Variants in PLEKHM3 observed in about 807,000 individuals in gnomAD.
PLEKHM3 encodes the protein pleckstrin homology domain containing M3.
In PLEKHM3, 45 loss-of-function variants were observed where a neutral mutation model predicts 81.8. That is an observed-to-expected ratio of 0.55 (90% CI 0.43 to 0.71). The LOEUF (loss-of-function observed/expected upper bound fraction) is 0.71, where lower values mean the gene tolerates loss of function less well. Among genes scored for constraint, PLEKHM3 ranks in the 30% least tolerant of loss-of-function variants. The pLI is 0.00. For missense variants in PLEKHM3, 788 were observed against 924.3 expected (o/e 0.85, Z 1.91); for synonymous variants, 352 against 356.4 (o/e 0.99, Z 0.14).
intron 5 of PLEKHM3, among the ~76,000 whole-genome samples, chr2:207,929,253 A>C (rs1305985535): frequency 6.6e-6 from 1 of 152,248 alleles, no homozygotes; most frequent in East Asian, 1.9e-4. Context: ...TGGTCTGGCC[A>C]TAAGGCACAG....
chr2:207,860,200 TG>T (rs2092460078), intron 7 of PLEKHM3, among the ~76,000 whole-genome samples: 1 of 149,890 alleles, frequency 6.7e-6, no homozygotes, highest in Non-Finnish European at 1.5e-5. Context: ...TGTGTGTGTG[TG>T]TGTGTATCTG....
At chr2:207,934,658 T>C (rs1373887678) in intron 4 of PLEKHM3, among the ~76,000 whole-genome samples, 1 of 152,156 alleles carries the variant, frequency 6.6e-6, no homozygotes, top group East Asian at 1.9e-4. Context: ...CCTCCTCCCC[T>C]ACCTCACATT....
rs553828410 is a variant in PLEKHM3, at chr2:207,897,189, T to C, written c.1950+11325A>G. ...AAGGTGCTGCTCCATATGGTGACTA[T>C]ATAGCTGCAGCTATAGCAGGTTTCT... On this transcript the variant is annotated intron_variant, in intron 6 of 7. Coordinates refer to ENST00000427836, the MANE Select transcript of PLEKHM3 (RefSeq NM_001080475.3). Among the ~76,000 whole-genome samples the C allele has an allele frequency of 9.9e-5, 15 of 152,282 alleles. No homozygotes were observed. In the South Asian group the frequency reaches 2.1e-3, roughly 21 times the overall value.
intron 3 of PLEKHM3, among the ~76,000 whole-genome samples, chr2:207,973,614 C>T (rs1691199691): frequency 6.6e-6 from 1 of 152,146 alleles, no homozygotes; most frequent in Admixed American, 6.5e-5. Context: ...TGGCGCATGC[C>T]TGTAATCCCA....
chr2:207,872,667 G>A lies in PLEKHM3; in HGVS notation c.1951-11405C>T, dbSNP rs376025955. Among the ~76,000 whole-genome samples the A allele has an allele frequency of 5.9e-5, 9 of 152,194 alleles. No individual in the cohort carries two copies. The South Asian group carries it at 1.9e-3, about 32-fold the overall frequency. On this transcript the variant is annotated intron_variant, in intron 6 of 7. Transcript: ENST00000427836. ...AGCCTGGCCAACATGGCGAAACCCC[G>A]TCTCTACTAAAATTACAAAAAAATT...
chr2:207,896,663 G>T (rs1688233504), intron 6 of PLEKHM3, among the ~76,000 whole-genome samples: 1 of 152,192 alleles, frequency 6.6e-6, no homozygotes, highest in African/African-American at 2.4e-5. Flanking sequence ...AAGGAAGCTA[G>T]AAAGCCAATT....
chr2:207,864,119 T>C (rs572302098), intron 6 of PLEKHM3, among the ~76,000 whole-genome samples: 14 of 152,072 alleles, frequency 9.2e-5, no homozygotes, highest in Non-Finnish European at 1.8e-4. Flanking sequence ...TTTGTAAGAG[T>C]AGAATTTATT....
intron 7 of PLEKHM3, among the ~76,000 whole-genome samples, chr2:207,860,254 A>G (rs1461186784): frequency 2.1e-5 from 3 of 144,898 alleles, no homozygotes; most frequent in African/African-American, 7.8e-5. Flanking sequence ...TGTGTGGGCC[A>G]ACCCAAATTC....
rs1455854562 is a variant in PLEKHM3 at position 207,830,717 on chromosome 2, TA to T, written c.2109-2222del. 2.4e-5 allele frequency among the ~76,000 whole-genome samples: 3 copies of T among 124,320 alleles called. No homozygotes were observed. In the East Asian group the frequency reaches 6.5e-4, roughly 27 times the overall value. 81.6% of individuals were successfully genotyped at this position (124,320 alleles called of 152,430 possible). Reference sequence around the variant, plus strand: ...TTCTAAGTGTCCTTAGAAGTGTCCTTAGAAGTGTCCTAAGTTGGGGAGCTTG... The same window carrying T: ...TTCTAAGTGTCCTTAGAAGTGTCCTTGAAGTGTCCTAAGTTGGGGAGCTTG... On this transcript the variant is annotated intron_variant, in intron 7 of 7. Coordinates refer to ENST00000427836, the MANE Select transcript of PLEKHM3 (RefSeq NM_001080475.3).
chr2:207,955,892 T>C (rs1490195257), intron 3 of PLEKHM3, among the ~76,000 whole-genome samples: 1 of 152,066 alleles, frequency 6.6e-6, no homozygotes, highest in Non-Finnish European at 1.5e-5. Context: ...GGAAGAAGAA[T>C]ACAAATCTAT....
chr2:207,999,107 C>T (rs1268107417), intron 2 of PLEKHM3, among the ~76,000 whole-genome samples: 1 of 152,050 alleles, frequency 6.6e-6, no homozygotes, highest in Non-Finnish European at 1.5e-5. Flanking sequence ...CTCAGCCTCC[C>T]AAGTAGCCGG....
chr2:207,914,196 T>A (rs1480260730), intron 5 of PLEKHM3, among the ~76,000 whole-genome samples: 1 of 151,410 alleles, frequency 6.6e-6, no homozygotes, highest in Non-Finnish European at 1.5e-5. Context: ...CTAAAAAAAA[T>A]ACAAAAATTA....
chr2:207,994,846 G>A (rs1692017284), intron 2 of PLEKHM3, among the ~76,000 whole-genome samples: 1 of 152,088 alleles, frequency 6.6e-6, no homozygotes, highest in Non-Finnish European at 1.5e-5. Context: ...CCCATCAACT[G>A]GTGGCAACCT....
chr2:208,001,180 T>C lies in PLEKHM3; in HGVS notation c.460A>G (p.Ile154Val), dbSNP rs553589710. 1 of 1,614,110 alleles carries C rather than the reference T, an allele frequency of 6.2e-7. No homozygotes were observed. Among genetic ancestry groups the C allele is most frequent in the African/African-American group, 1.3e-5 (1 of 75,028 alleles). The change falls in exon 2 of 8, where the codon ATT becomes GTT. Residue 154 changes from isoleucine (I) to valine (V), a missense_variant. Coordinates refer to ENST00000427836, the MANE Select transcript of PLEKHM3 (RefSeq NM_001080475.3). ...ACTACCCTCCAGTCCACTTGGGTAA[T>C]ATCTGATCGTGATCGAGCATGCCCT... ...KPGHARSRSD[I>V]TQVDWRVVLK...
intron 7 of PLEKHM3, among the ~76,000 whole-genome samples, chr2:207,858,714 C>A (rs1206879238): frequency 6.6e-6 from 1 of 152,126 alleles, no homozygotes. Flanking sequence ...CTCTTGTCCT[C>A]AAGTGATCCA....
At chr2:207,844,335 C>G (rs1293832415) in intron 7 of PLEKHM3, among the ~76,000 whole-genome samples, 3 of 145,862 alleles carry the variant, frequency 2.1e-5, no homozygotes, top group African/African-American at 7.6e-5. Flanking sequence ...CGGAGTCTCG[C>G]TCTGTTGCCC....
intron 6 of PLEKHM3, among the ~76,000 whole-genome samples, chr2:207,879,881 A>G (rs1175275516): frequency 6.6e-6 from 1 of 152,192 alleles, no homozygotes; most frequent in African/African-American, 2.4e-5. Flanking sequence ...AAATACCCTA[A>G]CATTTGAACA....
chr2:207,869,302 C>T (rs979283080), intron 6 of PLEKHM3, among the ~76,000 whole-genome samples: 7 of 152,224 alleles, frequency 4.6e-5, no homozygotes, highest in South Asian at 4.1e-4. Context: ...GGCATGTCTA[C>T]GTGAACAAAA....
intron 3 of PLEKHM3, among the ~76,000 whole-genome samples, chr2:207,969,578 A>G (rs1426593213): frequency 6.6e-6 from 1 of 152,268 alleles, no homozygotes; most frequent in Non-Finnish European, 1.5e-5. Flanking sequence ...TTGCTTTCAT[A>G]GGAGCTTGAA....
Sources: gnomAD v4.1 joint callset for allele counts (sites outside exome capture counted in the v4.1 genomes callset) on GRCh38, gnomAD v4.1.1 for gene constraint, MANE v1.5 for transcripts, NCBI Gene and HGNC (gene_info 2026-07-23, HGNC 2026-07-21) for gene names.